Variants in TTC28 observed in about 807,000 individuals in gnomAD.
The protein encoded by TTC28 is tetratricopeptide repeat domain 28.
TTC28 carries 61 observed loss-of-function variants against 198.0 expected under a neutral mutation model. The ratio of observed to expected loss-of-function variants is 0.31; its 90% confidence interval spans 0.25 to 0.38. The LOEUF (loss-of-function observed/expected upper bound fraction) is 0.38. Among genes scored for constraint, TTC28 ranks in the 10% least tolerant of loss-of-function variants. TTC28 has a pLI of 1.00. For synonymous variants in TTC28, 1,171 were observed against 1,297.8 expected, an observed-to-expected ratio of 0.90 and a Z score of 2.10; for missense variants, 2,678 against 3,164.0, an observed-to-expected ratio of 0.85 and a Z score of 3.69.
At chr22:28,521,167 G>A (rs1420073544) in intron 2 of TTC28, among the ~76,000 whole-genome samples, 1 of 152,092 alleles carries the variant, frequency 6.6e-6, no homozygotes, top group African/African-American at 2.4e-5. Flanking sequence ...GGGAGGCCAA[G>A]GCGAGAGGAT....
chr22:28,341,380 T>G (rs1313380066), intron 2 of TTC28, among the ~76,000 whole-genome samples: 1 of 152,178 alleles, frequency 6.6e-6, no homozygotes, highest in East Asian at 1.9e-4. Context: ...CATTTTTGGC[T>G]GGGGGTAATG....
intron 12 of TTC28, among the ~76,000 whole-genome samples, chr22:28,058,946 G>A (rs1339385852): frequency 6.6e-6 from 1 of 151,822 alleles, no homozygotes; most frequent in Non-Finnish European, 1.5e-5. Context: ...AAGCAATAAG[G>A]TTTCTTTCAG....
Position 27,990,072 on chromosome 22 carries a change from G to C in TTC28, c.5578-65C>G. 2.0e-6 allele frequency: 3 copies of C among 1,513,328 alleles called. No individual in the cohort carries two copies. The South Asian group carries it at 3.7e-5, about 19-fold the overall frequency. The allele number at this position is 1,513,328 out of a possible 1,614,324, so 93.7% of individuals were successfully genotyped here. A position where few individuals can be genotyped will look rare whatever the true frequency, so the allele number is the denominator to read the frequency against. ...TCCCCTCCAGCCCACCTCAAGACTC[G>C]ACCCATTATTCTTATGTCACCTGTC... On this transcript the variant is annotated intron_variant, in intron 20 of 22. Coordinates refer to ENST00000397906, the MANE Select transcript of TTC28 (RefSeq NM_001145418.2).
At chr22:28,460,195 T>C (rs933577045) in intron 2 of TTC28, among the ~76,000 whole-genome samples, 4 of 152,064 alleles carry the variant, frequency 2.6e-5, no homozygotes, top group African/African-American at 9.7e-5. Context: ...AGACTCAAAG[T>C]ATCTTAACAT....
intron 2 of TTC28, among the ~76,000 whole-genome samples, chr22:28,373,835 T>C (rs1338129374): frequency 6.6e-6 from 1 of 152,186 alleles, no homozygotes. Flanking sequence ...TTAAGGTATT[T>C]TGTTTTGTTT....
At chr22:28,544,078 A>G (rs1477025525) in intron 2 of TTC28, among the ~76,000 whole-genome samples, 1 of 152,012 alleles carries the variant, frequency 6.6e-6, no homozygotes, top group Non-Finnish European at 1.5e-5. Flanking sequence ...AAAATTAGCC[A>G]GGCGTGGTGG....
chr22:28,313,522 G>A (rs2045302102), intron 2 of TTC28, among the ~76,000 whole-genome samples: 1 of 152,158 alleles, frequency 6.6e-6, no homozygotes, highest in African/African-American at 2.4e-5. Flanking sequence ...CAACAATCAA[G>A]ACGGCTTCAT....
chr22:28,643,463 A>C (rs1407405002), intron 1 of TTC28, among the ~76,000 whole-genome samples: 1 of 152,210 alleles, frequency 6.6e-6, no homozygotes, highest in Non-Finnish European at 1.5e-5. Flanking sequence ...ATCCTTCAAT[A>C]AATTCCCAGT....
At position 27,998,762 on chromosome 22, in the gene TTC28, C is replaced by T; in HGVS notation, c.4897G>A (p.Val1633Ile). Reference protein sequence around the residue: ...LGSSQESNSKVTADGVIALTR... With the variant: ...LGSSQESNSKITADGVIALTR... ...AGCGCGATGACCCCGTCGGCTGTGA[C>T]TTTGCTGTTGGACTCCTGGGAGGAG... The change falls in exon 16 of 23, where the codon GTC becomes ATC. Residue 1633 changes from valine (V) to isoleucine (I), a missense_variant. By Grantham distance (29) the Val-to-Ile change is conservative. Around this residue, in one of 8 missense-constraint regions of TTC28, gnomAD observed 727 missense variants for 861.9 expected, o/e 0.84. Coordinates refer to ENST00000397906, the MANE Select transcript of TTC28 (RefSeq NM_001145418.2). 2 of 1,550,776 alleles carry T rather than the reference C, an allele frequency of 1.3e-6. No homozygotes were observed. The highest frequency in any genetic ancestry group is 2.4e-5 in the South Asian group (2 of 84,062).
intron 2 of TTC28, among the ~76,000 whole-genome samples, chr22:28,375,212 C>A (rs1015931810): frequency 1.3e-5 from 2 of 152,152 alleles, no homozygotes; most frequent in African/African-American, 4.8e-5. Context: ...CCGAAATGAA[C>A]TTTAATATAA....
intron 12 of TTC28, among the ~76,000 whole-genome samples, chr22:28,072,500 T>G (rs906206134): frequency 6.6e-6 from 1 of 152,186 alleles, no homozygotes; most frequent in Non-Finnish European, 1.5e-5. Flanking sequence ...TAGGGTGCTA[T>G]GTATTGTGTA....
At chr22:28,451,227 C>T (rs1053507318) in intron 2 of TTC28, among the ~76,000 whole-genome samples, 4 of 152,278 alleles carry the variant, frequency 2.6e-5, no homozygotes, top group South Asian at 2.1e-4. Flanking sequence ...GACAGAGTGA[C>T]GGGATATCAT....
chr22:28,421,488 CTAA>C (rs775114517), intron 2 of TTC28, among the ~76,000 whole-genome samples: 8 of 152,008 alleles, frequency 5.3e-5, no homozygotes, highest in Non-Finnish European at 2.9e-5. Context: ...TCTCTGATGA[CTAA>C]TGAGACTGGA....
intron 12 of TTC28, among the ~76,000 whole-genome samples, chr22:28,049,433 G>A (rs1398497284): frequency 6.6e-6 from 1 of 152,010 alleles, no homozygotes; most frequent in East Asian, 1.9e-4. Context: ...CCTGTGAGGC[G>A]ACCAGAGAGA....
intron 12 of TTC28, among the ~76,000 whole-genome samples, chr22:28,051,414 T>C (rs1940082016): frequency 6.6e-6 from 1 of 152,242 alleles, no homozygotes; most frequent in South Asian, 2.1e-4. Context: ...GTCAAAGTAA[T>C]ATAGGATTTC....
rs1202304177 is a variant in TTC28 at position 28,014,271 on chromosome 22, G to A, written c.4195C>T (p.Leu1399=). 1 of 1,551,448 alleles carries A rather than the reference G, an allele frequency of 6.4e-7. No individual in the cohort carries two copies. Among genetic ancestry groups the A allele is most frequent in the Non-Finnish European group, 8.7e-7 (1 of 1,146,930 alleles). ...AKPPLRALYD[L]LIAPMEGGLM... ...ACCCCTTCCATGGGCGCGATGAGCA[G>A]GTCATACAGGGCACGGAGCGGGGGC... is the stretch of plus-strand genomic sequence containing the variant. The change falls in exon 14 of 23, where the codon CTG becomes TTG. Residue 1399 remains leucine, a synonymous_variant. Coordinates refer to ENST00000397906, the MANE Select transcript of TTC28 (RefSeq NM_001145418.2).
At chr22:28,612,269 G>A (rs2050831694) in intron 2 of TTC28, among the ~76,000 whole-genome samples, 2 of 152,156 alleles carry the variant, frequency 1.3e-5, no homozygotes, top group Admixed American at 6.5e-5. Context: ...TGCAACAAGA[G>A]AGCTAACTAT....
chr22:28,193,923 T>A (rs527827364), intron 5 of TTC28, among the ~76,000 whole-genome samples: 23 of 152,122 alleles, frequency 1.5e-4, no homozygotes, highest in Non-Finnish European at 2.8e-4. Flanking sequence ...AACTCAACTC[T>A]GGACCAAGCA....
At chr22:28,331,951 G>C (rs2045623210) in intron 2 of TTC28, among the ~76,000 whole-genome samples, 1 of 152,036 alleles carries the variant, frequency 6.6e-6, no homozygotes, top group African/African-American at 2.4e-5. Flanking sequence ...AATGAAACTT[G>C]GTTGCATCAA....
Sources: gnomAD v4.1 joint callset for allele counts (sites outside exome capture counted in the v4.1 genomes callset) on GRCh38, gnomAD v4.1.1 for gene constraint, gnomAD v4.1.1 regional missense constraint, MANE v1.5 for transcripts, NCBI Gene and HGNC (gene_info 2026-07-23, HGNC 2026-07-21) for gene names.